ARMC8: variants seen among roughly 807,000 people sequenced by gnomAD.
ARMC8 encodes armadillo repeat containing 8, also known as armadillo repeat-containing protein 8.
ARMC8 carries 20 observed loss-of-function variants against 99.3 expected under a neutral mutation model. The observed-to-expected ratio is 0.20, with a 90% CI of 0.14 to 0.29. The LOEUF is 0.29. Ranked by LOEUF, ARMC8 falls within the 10% of genes least tolerant of loss-of-function variation. The probability of loss-of-function intolerance (pLI) is 1.00; values close to 1 mark genes in which losing one functional copy is unlikely to be tolerated. For missense variants in ARMC8, 569 were observed against 809.5 expected (o/e 0.70, Z 3.60); for synonymous variants, 263 against 278.3 (o/e 0.95, Z 0.55).
chr3:138,187,750 G>A (rs1028859193), intron 1 of ARMC8, 151 bp downstream of exon 1: 5 of 848,376 alleles, frequency 5.9e-6, no homozygotes, highest in African/African-American at 5.1e-5. Context: ...AGGGTGGAGA[G>A]GCGGGATAGA....
intron 15 of ARMC8, among the ~76,000 whole-genome samples, chr3:138,268,907 A>T (rs2048528407): frequency 6.6e-6 from 1 of 152,240 alleles, no homozygotes; most frequent in Non-Finnish European, 1.5e-5. Flanking sequence ...TATTATTTTA[A>T]TTTATTATTA....
At chr3:138,275,322 C>A (rs1339982051) in intron 18 of ARMC8, among the ~76,000 whole-genome samples, 3 of 152,090 alleles carry the variant, frequency 2.0e-5, no homozygotes, top group Non-Finnish European at 4.4e-5. Context: ...CTTTGGGAGG[C>A]CGAGGTGGGC....
At chr3:138,244,854 T>C (rs1429836696) in intron 11 of ARMC8, among the ~76,000 whole-genome samples, 1 of 152,236 alleles carries the variant, frequency 6.6e-6, no homozygotes, top group Non-Finnish European at 1.5e-5. Flanking sequence ...TCAAATATAG[T>C]GTTCACTTTT....
chr3:138,297,521 A>G lies in ARMC8; in HGVS notation c.*1629A>G, dbSNP rs1388945407. The G allele has an allele frequency of 1.3e-5, 2 of 152,222 alleles. No individual in the cohort carries two copies. The highest frequency in any genetic ancestry group is 4.8e-5 in the African/African-American group (2 of 41,460). 9.4% of individuals were successfully genotyped at this position (152,222 alleles called of 1,614,324 possible). A position where few individuals can be genotyped will look rare whatever the true frequency, so the allele number is the denominator to read the frequency against. Reference sequence around the variant, plus strand: ...GGGTTGCTCACACTGCAGCTGCCCTATCACCACCCTGCACGTTCCTTGGAA... The same window carrying G: ...GGGTTGCTCACACTGCAGCTGCCCTGTCACCACCCTGCACGTTCCTTGGAA... On this transcript the variant is annotated 3_prime_UTR_variant, in exon 22 of 22. Transcript: ENST00000469044.
intron 21 of ARMC8, among the ~76,000 whole-genome samples, chr3:138,291,509 G>A (rs1577061321): frequency 6.6e-6 from 1 of 152,154 alleles, no homozygotes; most frequent in Admixed American, 6.6e-5. Context: ...ATATAATGGT[G>A]AATAAAATTG....
chr3:138,254,627 T>C (rs2047291030), intron 12 of ARMC8, among the ~76,000 whole-genome samples: 2 of 152,212 alleles, frequency 1.3e-5, no homozygotes, highest in Admixed American at 1.3e-4. Flanking sequence ...ATGACTAAAC[T>C]TTATGAAATT....
chr3:138,248,191 A>G (rs2046967722), intron 12 of ARMC8, among the ~76,000 whole-genome samples: 1 of 152,226 alleles, frequency 6.6e-6, no homozygotes, highest in Admixed American at 6.5e-5. Context: ...AAGAAGCCCC[A>G]GAAAAGATGG....
At chr3:138,255,378 A>G (rs555263134) in intron 12 of ARMC8, among the ~76,000 whole-genome samples, 1 of 151,348 alleles carries the variant, frequency 6.6e-6, no homozygotes, top group East Asian at 2.0e-4. Flanking sequence ...AATTTTTTGT[A>G]TTTTTAGTAG....
intron 18 of ARMC8, among the ~76,000 whole-genome samples, chr3:138,281,302 T>A (rs2049897289): frequency 6.6e-6 from 1 of 151,898 alleles, no homozygotes; most frequent in Non-Finnish European, 1.5e-5. Flanking sequence ...CTTTTTCTTT[T>A]TTTTTTTTTG....
chr3:138,207,098 A>G (rs1157629444), intron 1 of ARMC8, among the ~76,000 whole-genome samples: 2 of 152,104 alleles, frequency 1.3e-5, no homozygotes, highest in Non-Finnish European at 2.9e-5. Context: ...CTGATTGTTT[A>G]CTTGTATTGG....
intron 1 of ARMC8, chr3:138,188,374 A>T: frequency 7.0e-7 from 1 of 1,422,016 alleles, no homozygotes; most frequent in Non-Finnish European, 9.4e-7. Context: ...AGGAAGTAAA[A>T]CCTGTTTTTT....
At chr3:138,288,111 A>G (rs2050594709) in intron 19 of ARMC8, 1 of 158,502 alleles carries the variant, frequency 6.3e-6, no homozygotes, top group African/African-American at 2.4e-5. Flanking sequence ...GAGTAATTTA[A>G]TTATTCCAGA....
At chr3:138,200,904 CTTTTTTTT>C (rs34087212) in intron 1 of ARMC8, among the ~76,000 whole-genome samples, 5 of 63,352 alleles carry the variant, frequency 7.9e-5, no homozygotes, top group African/African-American at 1.8e-4. Context: ...CTTCAGTGGG[CTTTTTTTT>C]TTTTTTTTTT....
In ARMC8 at chr3:138,296,218, C is replaced by T. The variant is rs570806186; in HGVS notation, c.*326C>T. On this transcript the variant is annotated 3_prime_UTR_variant, in exon 22 of 22. Coordinates refer to ENST00000469044, the MANE Select transcript of ARMC8 (RefSeq NM_001363941.2). ...ACTTTGTGAGTGAGAATGAATATGT[C>T]TGTGTGAACACACAGGCATGCGTGT... is the stretch of plus-strand genomic sequence containing the variant. The T allele has an allele frequency of 8.6e-5, 22 of 256,462 alleles. No individual in the cohort carries two copies. The South Asian group carries it at 1.3e-3, about 15-fold the overall frequency. 15.9% of individuals were successfully genotyped at this position (256,462 alleles called of 1,614,324 possible).
At chr3:138,278,085 T>C (rs966114609) in intron 18 of ARMC8, among the ~76,000 whole-genome samples, 3 of 152,146 alleles carry the variant, frequency 2.0e-5, no homozygotes, top group African/African-American at 7.2e-5. Context: ...AAATCAAAGG[T>C]ATCCAAGCCT....
intron 1 of ARMC8, among the ~76,000 whole-genome samples, chr3:138,190,957 T>C (rs928143720): frequency 2.9e-4 from 44 of 152,166 alleles, no homozygotes; most frequent in Admixed American, 2.8e-3. Context: ...TGATCTAATA[T>C]GGAGGGCAAT....
intron 1 of ARMC8, among the ~76,000 whole-genome samples, chr3:138,206,335 G>T (rs2044369816): frequency 6.6e-6 from 1 of 152,042 alleles, no homozygotes; most frequent in Non-Finnish European, 1.5e-5. Context: ...AATTTCAATT[G>T]CCATATGAGG....
At chr3:138,271,927 C>T (rs2048840236) in intron 16 of ARMC8, among the ~76,000 whole-genome samples, 1 of 151,674 alleles carries the variant, frequency 6.6e-6, no homozygotes, top group East Asian at 1.9e-4. Flanking sequence ...TCCTGAGTAG[C>T]TGGGATTACA....
At chr3:138,220,033 A>G (rs2045304564) in intron 2 of ARMC8, among the ~76,000 whole-genome samples, 1 of 152,178 alleles carries the variant, frequency 6.6e-6, no homozygotes, top group Non-Finnish European at 1.5e-5. Context: ...AATGGCACTT[A>G]GCCTACACAG....
Sources: allele counts gnomAD v4.1 joint callset (sites outside exome capture counted in the v4.1 genomes callset), GRCh38; gene constraint gnomAD v4.1.1; transcripts MANE v1.5; gene names NCBI Gene and HGNC (gene_info 2026-07-23, HGNC 2026-07-21).